Variants in PAX7 observed in about 807,000 individuals in gnomAD.
PAX7 encodes the protein paired box 7, also known as paired box protein Pax-7.
PAX7 carries 18 observed loss-of-function variants against 50.7 expected under a neutral mutation model. That is an observed-to-expected ratio of 0.36 (90% CI 0.25 to 0.53). PAX7 has a LOEUF of 0.53. PAX7 is among the 20% of genes least tolerant of loss of function. PAX7 has a pLI of 0.93. For missense variants in PAX7, 644 were observed against 702.9 expected, an observed-to-expected ratio of 0.92 and a Z score of 0.95; for synonymous variants, 310 against 290.4, an observed-to-expected ratio of 1.07 and a Z score of -0.69.
chr1:18,663,847 G>A (rs1313350798), intron 4 of PAX7, among the ~76,000 whole-genome samples: 1 of 152,244 alleles, frequency 6.6e-6, no homozygotes, highest in African/African-American at 2.4e-5. Flanking sequence ...CACAGGTCAG[G>A]AACAGTTATC....
rs144242911 is a variant in PAX7 at position 18,735,868 on chromosome 1, G to C, written c.1392G>C (p.Gln464His). 36 of 1,614,010 alleles carry C rather than the reference G, an allele frequency of 2.2e-5. No individual in the cohort carries two copies. The highest frequency in any genetic ancestry group is 3.0e-5 in the Non-Finnish European group (35 of 1,180,032). The change falls in exon 8 of 9, where the codon CAG (glutamine) becomes CAC (histidine). Residue 464 changes from glutamine (Q) to histidine (H), a missense_variant. By Grantham distance (24) the Gln-to-His change is conservative. Transcript: ENST00000420770. This position sits in a 1 kb window ranked among gnomAD's most constrained non-coding sequence, Gnocchi z 4.0. Reference protein sequence around the residue: ...VDPVAGYQYGQYGQTAVDYLA... With the variant: ...VDPVAGYQYGHYGQTAVDYLA... ...CCGTGGCCGGCTATCAGTACGGCCAGTACGGCCAGAGTGAGTGCCTGGTGC... is the reference window on the plus strand; with the variant it reads ...CCGTGGCCGGCTATCAGTACGGCCACTACGGCCAGAGTGAGTGCCTGGTGC...
chr1:18,634,875 T>A lies in PAX7; in HGVS notation c.322-236T>A, dbSNP rs955784330. On this transcript the variant is annotated intron_variant, in intron 2 of 8. Coordinates refer to ENST00000420770, the MANE Select transcript of PAX7 (RefSeq NM_001135254.2). The surrounding 1 kb of genome is among the most constrained non-coding windows in gnomAD (Gnocchi z 4.0). The stretch of plus-strand genomic sequence containing the variant: ...GGGACCCTGGGGGTCCTAATTAGAG[T>A]TTTTTATTGCCTATCCATGTCCCAC... Among the ~76,000 whole-genome samples the A allele has an allele frequency of 2.0e-5, 3 of 151,278 alleles. No homozygotes were observed. The highest frequency in any genetic ancestry group is 7.3e-5 in the African/African-American group (3 of 41,096).
At chr1:18,696,065 C>CTTTT (rs386366372) in intron 5 of PAX7, among the ~76,000 whole-genome samples, 23 of 128,904 alleles carry the variant, frequency 1.8e-4, no homozygotes, top group African/African-American at 5.6e-4. Context: ...CATTTCTTTT[C>CTTTT]TTTTTTTTTT....
intron 4 of PAX7, among the ~76,000 whole-genome samples, chr1:18,645,618 T>C (rs1263409182): frequency 6.6e-6 from 1 of 152,132 alleles, no homozygotes; most frequent in Non-Finnish European, 1.5e-5. Flanking sequence ...CTGGAGAAGG[T>C]GGAGACAGAG....
chr1:18,732,005 T>A (rs1023737039), intron 7 of PAX7, among the ~76,000 whole-genome samples: 1 of 152,142 alleles, frequency 6.6e-6, no homozygotes, highest in South Asian at 2.1e-4. Context: ...TGGGTGTATC[T>A]CGTGATTCAG....
intron 1 of PAX7, among the ~76,000 whole-genome samples, 193 bp downstream of exon 1, chr1:18,631,881 T>G (rs958497438): frequency 6.6e-6 from 1 of 152,174 alleles, no homozygotes; most frequent in Admixed American, 6.5e-5. Flanking sequence ...TGCGTGGGTT[T>G]CACTGCCCGG....
rs2088153015 is a variant in PAX7 at position 18,636,213 on chromosome 1, C to T, written c.452-24C>T. ...CCTCTGCTCCAACAACTTATACTTG[C>T]TCTTTTGCCTTTGAATTTCTGAGGT... On this transcript the variant is annotated intron_variant, in intron 3 of 8. Transcript: ENST00000420770. The surrounding 1 kb of genome is among the most constrained non-coding windows in gnomAD (Gnocchi z 5.1). The T allele has an allele frequency of 6.2e-7, 1 of 1,612,476 alleles. No homozygotes were observed. The highest frequency in any genetic ancestry group is 1.3e-5 in the African/African-American group (1 of 74,884).
chr1:18,645,091 C>T (rs1353509656), intron 4 of PAX7, among the ~76,000 whole-genome samples: 2 of 152,212 alleles, frequency 1.3e-5, no homozygotes, highest in African/African-American at 4.8e-5. Flanking sequence ...TCCCTCTTCG[C>T]AAGACTGTCT....
chr1:18,683,910 T>C (rs1312312408), intron 4 of PAX7, among the ~76,000 whole-genome samples: 3 of 152,172 alleles, frequency 2.0e-5, no homozygotes, highest in African/African-American at 7.2e-5. Flanking sequence ...TGGGGACAGA[T>C]GACAAAACAG....
chr1:18,633,056 C>G (rs574456985), intron 1 of PAX7, among the ~76,000 whole-genome samples: 2 of 152,286 alleles, frequency 1.3e-5, no homozygotes, highest in South Asian at 2.1e-4. Context: ...AATGGCATAT[C>G]CCGCCACGGA....
chr1:18,715,641 C>A (rs1387335259), intron 7 of PAX7, among the ~76,000 whole-genome samples: 1 of 152,184 alleles, frequency 6.6e-6, no homozygotes, highest in East Asian at 1.9e-4. Flanking sequence ...AGCATTGTCA[C>A]TTCCTACCTG....
intron 4 of PAX7, among the ~76,000 whole-genome samples, chr1:18,646,288 TTC>T (rs10546636): frequency 0.33 from 50,438 of 151,874 alleles, 8,863 homozygotes; most frequent in Middle Eastern, 0.43. Context: ...TTGGGACTTT[TTC>T]TCTGGTGGCC....
intron 7 of PAX7, among the ~76,000 whole-genome samples, chr1:18,730,976 G>T (rs2089639257): frequency 6.6e-6 from 1 of 152,182 alleles, no homozygotes; most frequent in African/African-American, 2.4e-5. Flanking sequence ...ACGGCTGTCT[G>T]TCAGCCTGAC....
chr1:18,744,934 C>T lies in PAX7; in HGVS notation c.*5C>T. 6.7e-7 allele frequency: 1 copy of T among 1,501,820 alleles called. No homozygotes were observed. Among genetic ancestry groups the T allele is most frequent in the Non-Finnish European group, 9.1e-7 (1 of 1,101,454 alleles). The allele number at this position is 1,501,820 out of a possible 1,614,324, so 93.0% of individuals were successfully genotyped here. Reference sequence around the variant, plus strand: ...GAAACTGGCCAGGCCTACTAGGGCCCCTGGGGCGACTTGCCCCAGCCCAAT... The same window carrying T: ...GAAACTGGCCAGGCCTACTAGGGCCTCTGGGGCGACTTGCCCCAGCCCAAT... On this transcript the variant is annotated 3_prime_UTR_variant, in exon 9 of 9. Transcript: ENST00000420770.
At position 18,634,402 on chromosome 1, in the gene PAX7, T is replaced by C. The variant is rs2088110417; in HGVS notation, c.185T>C (p.Met62Thr). The change falls in exon 2 of 9, where the codon ATG (methionine) becomes ACG (threonine). Residue 62 changes from methionine (M) to threonine (T), a missense_variant. Coordinates refer to ENST00000420770, the MANE Select transcript of PAX7 (RefSeq NM_001135254.2). This position sits in a 1 kb window ranked among gnomAD's most constrained non-coding sequence, Gnocchi z 4.0. The part of the protein sequence containing the change: ...PNHIRHKIVE[M>T]AHHGIRPCVI... Reference sequence around the variant, plus strand: ...CACATCCGCCACAAGATAGTGGAGATGGCCCACCATGGCATCCGGCCCTGT... The same window carrying C: ...CACATCCGCCACAAGATAGTGGAGACGGCCCACCATGGCATCCGGCCCTGT... 1 of 1,614,186 alleles carries C rather than the reference T, an allele frequency of 6.2e-7. No individual in the cohort carries two copies.
intron 1 of PAX7, 116 bp downstream of exon 1, chr1:18,631,804 T>C: frequency 1.2e-6 from 1 of 840,066 alleles, no homozygotes; most frequent in Middle Eastern, 3.2e-4. Context: ...AGGGATCCCG[T>C]TCTCTTCTGG....
intron 7 of PAX7, among the ~76,000 whole-genome samples, chr1:18,713,478 G>C (rs979676792): frequency 5.9e-5 from 9 of 152,302 alleles, no homozygotes; most frequent in African/African-American, 2.2e-4. Flanking sequence ...AGGATTTTGA[G>C]GCAGCTGATC....
Position 18,709,049 on chromosome 1 carries a change from C to G in PAX7, c.1155+5753C>G, listed in dbSNP as rs956671037. Among the ~76,000 whole-genome samples, 8 of 152,136 alleles carry G rather than the reference C, an allele frequency of 5.3e-5. No individual in the cohort carries two copies. In the South Asian group the frequency reaches 1.7e-3, roughly 32 times the overall value. On this transcript the variant is annotated intron_variant, in intron 7 of 8. Coordinates refer to ENST00000420770, the MANE Select transcript of PAX7 (RefSeq NM_001135254.2). ...CCTTGTGCTGGAGGCTTCCTCAGGG[C>G]CCAGGTGGTGTGTGCCAGGTGGGGC...
chr1:18,728,582 C>T (rs570946236), intron 7 of PAX7, among the ~76,000 whole-genome samples: 5 of 151,988 alleles, frequency 3.3e-5, no homozygotes, highest in African/African-American at 1.2e-4. Context: ...CTGACCTGAC[C>T]GGGCGTCGTG....
Sources: gnomAD v4.1 joint callset for allele counts (sites outside exome capture counted in the v4.1 genomes callset) on GRCh38, gnomAD v4.1.1 for gene constraint, Gnocchi (gnomAD v3.1) non-coding constraint, MANE v1.5 for transcripts, NCBI Gene and HGNC (gene_info 2026-07-23, HGNC 2026-07-21) for gene names.